TMEM59: variants seen among roughly 807,000 people sequenced by gnomAD.
The protein encoded by TMEM59 is transmembrane protein 59.
A neutral mutation model predicts 42.2 loss-of-function variants in TMEM59; 44 were observed. The ratio of observed to expected loss-of-function variants is 1.04; its 90% CI spans 0.82 to 1.34. TMEM59 has a LOEUF of 1.34. Ranked by LOEUF, TMEM59 falls within the 40% of genes most tolerant of loss-of-function variation. The pLI, the probability that TMEM59 is intolerant of heterozygous loss-of-function variation, is 0.00. For synonymous variants in TMEM59, 148 were observed against 145.8 expected (o/e 1.02, Z -0.11); for missense variants, 359 against 382.8 (o/e 0.94, Z 0.52).
chr1:54,036,726 A>G lies in TMEM59; in HGVS notation c.708-8T>C, dbSNP rs1369182830. The G allele has an allele frequency of 6.4e-7, 1 of 1,559,372 alleles. No individual in the cohort carries two copies. The highest frequency in any genetic ancestry group is 2.0e-5 in the Admixed American group (1 of 50,032). On this transcript the variant is annotated splice_polypyrimidine_tract_variant and splice_region_variant and intron_variant, in intron 6 of 7. Transcript: ENST00000234831. The stretch of plus-strand genomic sequence containing the variant: ...AAAATCCACCCAGAGTTACTGGAAA[A>G]AAAAAATCAACAATTAGTTATATTA...
chr1:54,050,039 G>C (rs1657474386), intron 1 of TMEM59, among the ~76,000 whole-genome samples: 1 of 151,762 alleles, frequency 6.6e-6, no homozygotes, highest in Non-Finnish European at 1.5e-5. Context: ...ATAAAACATA[G>C]AATAATTTAA....
chr1:54,049,630 T>C (rs147582346), intron 1 of TMEM59, among the ~76,000 whole-genome samples: 3 of 152,290 alleles, frequency 2.0e-5, no homozygotes, highest in East Asian at 3.9e-4. Flanking sequence ...ACACAATAAA[T>C]AGTGCTTCCA....
chr1:54,051,395 C>T (rs972455285), intron 1 of TMEM59, among the ~76,000 whole-genome samples: 4 of 152,094 alleles, frequency 2.6e-5, no homozygotes, highest in African/African-American at 9.7e-5. Flanking sequence ...ATTTCAAGTC[C>T]AGGACCTATA....
intron 6 of TMEM59, among the ~76,000 whole-genome samples, chr1:54,039,904 A>T (rs987636148): frequency 8.5e-5 from 13 of 152,138 alleles, no homozygotes; most frequent in Non-Finnish European, 1.8e-4. Context: ...ACACTTTCAT[A>T]AAACCTGCCT....
At chr1:54,050,562 GTTTC>G (rs113411852) in intron 1 of TMEM59, among the ~76,000 whole-genome samples, 1 of 138,200 alleles carries the variant, frequency 7.2e-6, no homozygotes, top group Non-Finnish European at 1.5e-5. Flanking sequence ...AATTAAATAT[GTTTC>G]TTTTTTTTTT....
intron 3 of TMEM59, 159 bp downstream of exon 3, chr1:54,045,533 T>A (rs1657299560): frequency 1.6e-6 from 1 of 615,552 alleles, no homozygotes; most frequent in Admixed American, 2.8e-5. Context: ...CAAAAGCAAT[T>A]ATTCAACTGA....
At chr1:54,048,858 CT>C (rs1184073214) in intron 1 of TMEM59, among the ~76,000 whole-genome samples, 1 of 152,222 alleles carries the variant, frequency 6.6e-6, no homozygotes, top group Non-Finnish European at 1.5e-5. Context: ...AGGTAGCACA[CT>C]TTTGGACCTC....
At chr1:54,050,035 CAT>C (rs1657474183) in intron 1 of TMEM59, among the ~76,000 whole-genome samples, 1 of 152,006 alleles carries the variant, frequency 6.6e-6, no homozygotes, top group African/African-American at 2.4e-5. Context: ...GTAGATAAAA[CAT>C]AGAATAATTT....
At chr1:54,051,895 CA>C (rs1657553683) in intron 1 of TMEM59, among the ~76,000 whole-genome samples, 1 of 152,088 alleles carries the variant, frequency 6.6e-6, no homozygotes, top group African/African-American at 2.4e-5. Context: ...CCAGCCGTAA[CA>C]AAATCTGAGA....
rs747913809 is a variant in TMEM59, at chr1:54,053,036, G to A, written c.153C>T (p.Ala51=). ...TGTGCAAGGGGTAGGTCAACTGACA[G>A]GCCCGGTGGCAAGACGCCGTATCAC... ...VLGDTASCHR[A]CQLTYPLHTY... Residue 51 remains alanine, a synonymous_variant, in exon 1 of 8, where the codon GCC becomes GCT. Coordinates refer to ENST00000234831, the MANE Select transcript of TMEM59 (RefSeq NM_004872.5). 2 of 1,614,190 alleles carry A rather than the reference G, an allele frequency of 1.2e-6. No homozygotes were observed. The highest frequency in any genetic ancestry group is 1.7e-6 in the Non-Finnish European group (2 of 1,180,016).
chr1:54,043,237 G>A (rs1569954346), intron 4 of TMEM59, 136 bp downstream of exon 4: 1 of 785,446 alleles, frequency 1.3e-6, no homozygotes, highest in Non-Finnish European at 1.8e-6. Flanking sequence ...TTTAATGTAG[G>A]GCCAAATAAG....
chr1:54,032,367 C>G, intron 7 of TMEM59, 62 bp from the exon 8 acceptor site: 4 of 1,342,348 alleles, frequency 3.0e-6, no homozygotes, highest in Non-Finnish European at 3.9e-6. Flanking sequence ...CCAAGTTAGT[C>G]TTTAAATAAC....
intron 6 of TMEM59, among the ~76,000 whole-genome samples, chr1:54,038,149 C>T (rs1486746836): frequency 6.6e-6 from 1 of 152,188 alleles, no homozygotes; most frequent in Admixed American, 6.5e-5. Context: ...GTTCCTGATT[C>T]TCTCTATTCC....
chr1:54,048,629 G>C (rs1657424793), intron 1 of TMEM59: 1 of 420,416 alleles, frequency 2.4e-6, no homozygotes, highest in South Asian at 1.9e-5. Context: ...TATTGCATAT[G>C]GGGGAGCCCC....
Position 54,043,413 on chromosome 1 carries a change from A to G in TMEM59, c.503T>C (p.Phe168Ser), listed in dbSNP as rs1289228878. 5.7e-6 allele frequency: 9 copies of G among 1,567,734 alleles called. No homozygotes were observed. Among genetic ancestry groups the G allele is most frequent in the Non-Finnish European group, 6.0e-6 (7 of 1,158,716 alleles). Residue 168 changes from phenylalanine (F) to serine (S), a missense_variant, in exon 4 of 8, where the codon TTT (phenylalanine) becomes TCT (serine). Transcript: ENST00000234831. ...AQSFITSSWT[F>S]YLQADDGKIV... Reference sequence around the variant, plus strand: ...TTTTCCGTCATCGGCTTGAAGATAAAAAGTCCATGAAGAGGTTATGAAGCT... The same window carrying G: ...TTTTCCGTCATCGGCTTGAAGATAAGAAGTCCATGAAGAGGTTATGAAGCT...
intron 1 of TMEM59, among the ~76,000 whole-genome samples, chr1:54,048,468 T>C (rs1002319657): frequency 6.6e-6 from 1 of 152,218 alleles, no homozygotes; most frequent in African/African-American, 2.4e-5. Flanking sequence ...ATTTTTAAAA[T>C]AGAAAACAAT....
intron 1 of TMEM59, among the ~76,000 whole-genome samples, 162 bp downstream of exon 1, chr1:54,052,838 G>A (rs1657601750): frequency 1.3e-5 from 2 of 152,198 alleles, no homozygotes; most frequent in Non-Finnish European, 2.9e-5. Context: ...CAGCAGAAAT[G>A]GGGTGCAGGC....
intron 1 of TMEM59, 58 bp downstream of exon 1, chr1:54,052,942 G>A (rs1017364640): frequency 1.9e-5 from 29 of 1,554,586 alleles, no homozygotes; most frequent in African/African-American, 2.7e-5. Flanking sequence ...CATACGTGTG[G>A]GGAGCCGAGA....
At position 54,053,116 on chromosome 1, in the gene TMEM59, C is replaced by T; in HGVS notation, c.73G>A (p.Ala25Thr). The change falls in exon 1 of 8, where the codon GCC (alanine) becomes ACC (threonine). Residue 25 changes from alanine (A) to threonine (T), a missense_variant. Transcript: ENST00000234831. ...GCGGTCCCCGAACCTCCGGCCAAGG[C>T]CATGGTCAGCAGCAGCAGCGGCGGG... ...GLPPLLLLTM[A>T]LAGGSGTASA... The T allele has an allele frequency of 1.9e-6, 3 of 1,614,252 alleles. No homozygotes were observed. The South Asian group carries it at 3.3e-5, about 18-fold the overall frequency.
Sources: gnomAD v4.1 joint callset for allele counts (sites outside exome capture counted in the v4.1 genomes callset) on GRCh38, gnomAD v4.1.1 for gene constraint, MANE v1.5 for transcripts, NCBI Gene and HGNC (gene_info 2026-07-23, HGNC 2026-07-21) for gene names.